The following DNMT3B variants were observed in gnomAD, a reference collection of about 807,000 sequenced individuals.
The protein encoded by DNMT3B is DNA (cytosine-5)-methyltransferase 3B.
DNMT3B carries 37 observed loss-of-function variants against 120.2 expected under a neutral mutation model. The observed-to-expected ratio is 0.31, with a 90% CI of 0.24 to 0.40. The LOEUF is 0.40. DNMT3B is among the 10% of genes least tolerant of loss of function. DNMT3B has a pLI of 1.00. For missense variants in DNMT3B, 878 were observed against 1,137.3 expected (o/e 0.77, Z 3.28); for synonymous variants, 412 against 442.8 (o/e 0.93, Z 0.87).
intron 20 of DNMT3B, 38 bp downstream of exon 20, chr20:32,802,508 G>A: frequency 6.3e-7 from 1 of 1,579,858 alleles, no homozygotes; most frequent in African/African-American, 1.3e-5. Context: ...TAACAGCCAA[G>A]TTAAATATGT....
chr20:32,797,142 C>T (rs1379200207), intron 13 of DNMT3B, 45 bp from the exon 14 acceptor site: 1 of 1,609,834 alleles, frequency 6.2e-7, no homozygotes. Flanking sequence ...AGGGCCTGCC[C>T]TTCTCTGGTC....
intron 20 of DNMT3B, among the ~76,000 whole-genome samples, chr20:32,802,909 T>C (rs1166003045): frequency 6.6e-6 from 1 of 152,216 alleles, no homozygotes; most frequent in Non-Finnish European, 1.5e-5. Context: ...CAGGGATCTC[T>C]CAAGACTTGA....
intron 3 of DNMT3B, 120 bp downstream of exon 3, chr20:32,781,534 A>C: frequency 9.6e-7 from 1 of 1,039,690 alleles, no homozygotes; most frequent in East Asian, 2.4e-5. Context: ...TTGCCGAGCT[A>C]GATGCTTTCT....
At chr20:32,778,735 AG>A (rs1037010540) in intron 1 of DNMT3B, among the ~76,000 whole-genome samples, 70 of 152,312 alleles carry the variant, frequency 4.6e-4, no homozygotes, top group African/African-American at 1.6e-3. Context: ...CTGAGGTGGG[AG>A]GATCCCTTGA....
chr20:32,792,601 T>A (rs749242142), intron 8 of DNMT3B, 25 bp from the exon 9 acceptor site: 10 of 1,605,626 alleles, frequency 6.2e-6, no homozygotes, highest in Non-Finnish European at 7.7e-6. Context: ...CACCCCCCCA[T>A]TCATCACAGA....
chr20:32,783,480 G>A (rs1226265755), intron 3 of DNMT3B, among the ~76,000 whole-genome samples: 1 of 151,642 alleles, frequency 6.6e-6, no homozygotes, highest in Non-Finnish European at 1.5e-5. Context: ...AGTAGAGTTT[G>A]TCAATTGGGT....
chr20:32,780,160 A>G, intron 1 of DNMT3B, 158 bp from the exon 2 acceptor site: 2 of 1,613,512 alleles, frequency 1.2e-6, no homozygotes, highest in Non-Finnish European at 1.7e-6. Context: ...GGGGGAGGCT[A>G]TGGGGGGCAG....
At chr20:32,786,084 A>G (rs1009376350) in intron 4 of DNMT3B, among the ~76,000 whole-genome samples, 2 of 152,100 alleles carry the variant, frequency 1.3e-5, no homozygotes, top group African/African-American at 2.4e-5. Flanking sequence ...GGGTTTCACC[A>G]TTTTATCCAG....
chr20:32,807,872 C>T lies in DNMT3B; in HGVS notation c.2531C>T (p.Ala844Val). The stretch of plus-strand genomic sequence containing the variant: ...GTGCCTGTCATCCGACACCTCTTCG[C>T]CCCTCTGAAGGACTACTTTGCATGT... The part of the protein sequence containing the change: ...WSVPVIRHLF[A>V]PLKDYFACE Residue 844 changes from alanine (A) to valine (V), a missense_variant, in exon 23 of 23, where the codon GCC (alanine) becomes GTC (valine). Physicochemically the swap from Ala to Val is moderately conservative, Grantham distance 64. This residue lies in a region of DNMT3B where 334 missense variants were observed against 518.8 expected (regional missense o/e 0.64). Coordinates refer to ENST00000328111, the MANE Select transcript of DNMT3B (RefSeq NM_006892.4). The T allele has an allele frequency of 1.9e-6, 3 of 1,614,266 alleles. No homozygotes were observed. Among genetic ancestry groups the T allele is most frequent in the Non-Finnish European group, 2.5e-6 (3 of 1,180,056 alleles).
At chr20:32,802,505 C>G in intron 20 of DNMT3B, 35 bp downstream of exon 20, 1 of 1,588,478 alleles carries the variant, frequency 6.3e-7, no homozygotes, top group South Asian at 1.1e-5. Context: ...AGGTAACAGC[C>G]AAGTTAAATA....
chr20:32,806,465 T>C (rs1321965496), intron 22 of DNMT3B, 138 bp downstream of exon 22: 4 of 841,846 alleles, frequency 4.8e-6, no homozygotes. Context: ...TAATACCTTT[T>C]CATAGTTCGC....
intron 14 of DNMT3B, 69 bp downstream of exon 14, chr20:32,797,368 G>GTT: frequency 6.8e-7 from 1 of 1,466,472 alleles, no homozygotes; most frequent in Non-Finnish European, 9.5e-7. Flanking sequence ...GCAGTCTGCA[G>GTT]ACAGCTGTCT....
rs1980710247 is a variant in DNMT3B at position 32,797,019 on chromosome 20, TGTCACAGAGGCCAATGGCACGCAG to T, written c.1377+158_1378-137del. The T allele has an allele frequency of 1.9e-6, 3 of 1,610,330 alleles. No homozygotes were observed. In the African/African-American group the frequency reaches 4.0e-5, roughly 21 times the overall value. ...CCTCTGGGGCAGGATGGGGGACAGC[TGTCACAGAGGCCAATGGCACGCAG>T]GTCACAGCCAGTTGTCCTTTTAAAG... is the stretch of plus-strand genomic sequence containing the variant. On this transcript the variant is annotated intron_variant, in intron 13 of 22. Transcript: ENST00000328111.
chr20:32,774,651 A>T (rs1285200164), intron 1 of DNMT3B, among the ~76,000 whole-genome samples: 1 of 149,622 alleles, frequency 6.7e-6, no homozygotes, highest in South Asian at 2.1e-4. Context: ...TGATTTTTCA[A>T]CCCTTGCTCC....
At position 32,801,328 on chromosome 20, in the gene DNMT3B, C is replaced by A; in HGVS notation, c.2047C>A (p.Arg683Ser). The part of the protein sequence containing the change: ...FEFYHLLNYS[R>S]PKEGDDRPFF... ...ATTTTACCACCTGCTGAATTACTCA[C>A]GCCCCAAGGAGGGTGATGACCGGCC... The change falls in exon 19 of 23, where the codon CGC becomes AGC. Residue 683 changes from arginine (R) to serine (S), a missense_variant. By Grantham distance (110) the Arg-to-Ser change is moderately radical. Around this residue, in one of 4 missense-constraint regions of DNMT3B, gnomAD observed 334 missense variants for 518.8 expected, o/e 0.64. Coordinates refer to ENST00000328111, the MANE Select transcript of DNMT3B (RefSeq NM_006892.4). 1 of 1,614,146 alleles carries A rather than the reference C, an allele frequency of 6.2e-7. No homozygotes were observed. The highest frequency in any genetic ancestry group is 8.5e-7 in the Non-Finnish European group (1 of 1,180,038).
At chr20:32,781,507 T>C (rs1978624242) in intron 3 of DNMT3B, 93 bp downstream of exon 3, 6 of 1,325,352 alleles carry the variant, frequency 4.5e-6, no homozygotes, top group Non-Finnish European at 4.4e-6. Flanking sequence ...AACTGGCATC[T>C]GCAAATGTAT....
At chr20:32,799,683 AATTTTTAT>A (rs1981081410) in intron 16 of DNMT3B, among the ~76,000 whole-genome samples, 1 of 152,004 alleles carries the variant, frequency 6.6e-6, no homozygotes, top group African/African-American at 2.4e-5. Flanking sequence ...ACGCCCAGCT[AATTTTTAT>A]ATTTTTCGTA....
Position 32,788,933 on chromosome 20 carries a change from C to T in DNMT3B, c.734C>T (p.Ser245Phe). 2 of 1,613,704 alleles carry T rather than the reference C, an allele frequency of 1.2e-6. No individual in the cohort carries two copies. Among genetic ancestry groups the T allele is most frequent in the South Asian group, 1.1e-5 (1 of 91,068 alleles). Residue 245 changes from serine to phenylalanine, a missense_variant, in exon 7 of 23, where the codon TCT becomes TTT. By Grantham distance (155) the Ser-to-Phe change is radical. Coordinates refer to ENST00000328111, the MANE Select transcript of DNMT3B (RefSeq NM_006892.4). The part of the protein sequence containing the change: ...GFSWWPAMVV[S>F]WKATSKRQAM... ...TCCTGGTGGCCCGCCATGGTGGTGTCTTGGAAGGCCACCTCCAAGCGACAG... is the reference window on the plus strand; with the variant it reads ...TCCTGGTGGCCCGCCATGGTGGTGTTTTGGAAGGCCACCTCCAAGCGACAG...
Position 32,794,681 on chromosome 20 carries a change from A to AT in DNMT3B, c.1127-721dup, listed in dbSNP as rs200639532. Among the ~76,000 whole-genome samples the AT allele has an allele frequency of 3.6e-3, 550 of 152,236 alleles. 5 individuals carry two copies. The highest frequency in any genetic ancestry group is 9.7e-3 in the African/African-American group (404 of 41,538). On this transcript the variant is annotated intron_variant, in intron 10 of 22. Coordinates refer to ENST00000328111, the MANE Select transcript of DNMT3B (RefSeq NM_006892.4). Reference sequence around the variant, plus strand: ...ACAGGTGAAATTAATACAAATCATGATTTTTTTAGCGCTAAATTTCCAAGA... The same window carrying AT: ...ACAGGTGAAATTAATACAAATCATGATTTTTTTTAGCGCTAAATTTCCAAGA...
Sources: allele counts gnomAD v4.1 joint callset (sites outside exome capture counted in the v4.1 genomes callset), GRCh38; gene constraint gnomAD v4.1.1; regional missense constraint gnomAD v4.1.1; transcripts MANE v1.5; gene names NCBI Gene and HGNC (gene_info 2026-07-23, HGNC 2026-07-21).